The following KMT2C variants were observed in gnomAD, a reference collection of about 807,000 sequenced individuals.
KMT2C encodes lysine methyltransferase 2C, also known as histone-lysine N-methyltransferase 2C.
Under a neutral mutation model 507.9 loss-of-function variants are expected in KMT2C, and 88 were observed. That is an observed-to-expected ratio of 0.17 (90% CI 0.15 to 0.21). The LOEUF (loss-of-function observed/expected upper bound fraction) is 0.21, where lower values mean the gene tolerates loss of function less well. Among genes scored for constraint, KMT2C ranks in the 10% least tolerant of loss-of-function variants. The probability of loss-of-function intolerance (pLI) is 1.00; values close to 1 mark genes in which losing one functional copy is unlikely to be tolerated. For missense variants in KMT2C, 4,954 were observed against 5,957.8 expected, an observed-to-expected ratio of 0.83 and a Z score of 5.55; for synonymous variants, 2,049 against 2,080.8, an observed-to-expected ratio of 0.98 and a Z score of 0.42.
intron 1 of KMT2C, among the ~76,000 whole-genome samples, chr7:152,375,425 G>A (rs1004392437): frequency 1.3e-5 from 2 of 151,254 alleles, no homozygotes; most frequent in Admixed American, 6.6e-5. Flanking sequence ...TTGCTCTGTC[G>A]CCCAGGCTGG....
At chr7:152,351,180 G>T (rs758067623) in intron 2 of KMT2C, among the ~76,000 whole-genome samples, 1 of 151,912 alleles carries the variant, frequency 6.6e-6, no homozygotes, top group African/African-American at 2.4e-5. Flanking sequence ...TAAGAAAAGG[G>T]GTACACTCCA....
intron 16 of KMT2C, among the ~76,000 whole-genome samples, chr7:152,233,129 A>G (rs574748768): frequency 2.0e-5 from 3 of 152,238 alleles, no homozygotes; most frequent in Non-Finnish European, 4.4e-5. Flanking sequence ...TATTTAAATA[A>G]TAAGTGCAGA....
chr7:152,187,525 A>G, intron 32 of KMT2C, 49 bp from the exon 33 acceptor site: 1 of 1,521,430 alleles, frequency 6.6e-7, no homozygotes, highest in South Asian at 1.1e-5. Flanking sequence ...ATAACTTCTT[A>G]ATATATGTTC....
chr7:152,229,719 AAGTAT>A (rs2095050075), intron 18 of KMT2C, among the ~76,000 whole-genome samples, 199 bp downstream of exon 18: 1 of 152,190 alleles, frequency 6.6e-6, no homozygotes, highest in Non-Finnish European at 1.5e-5. Context: ...TTTTCAAGAC[AAGTAT>A]ATTGTACAAT....
chr7:152,296,454 A>G (rs2096497493), intron 6 of KMT2C, among the ~76,000 whole-genome samples: 1 of 150,700 alleles, frequency 6.6e-6, no homozygotes, highest in African/African-American at 2.4e-5. Flanking sequence ...AAAGAGAGAG[A>G]GAGAGAGAGA....
At chr7:152,368,497 C>T (rs1190587759) in intron 1 of KMT2C, 5 of 1,298,868 alleles carry the variant, frequency 3.8e-6, no homozygotes, top group African/African-American at 2.9e-5. Flanking sequence ...CCAGTGGCGC[C>T]GTGAGCTAAT....
intron 6 of KMT2C, among the ~76,000 whole-genome samples, chr7:152,290,565 C>T (rs2096411006): frequency 6.6e-6 from 1 of 151,438 alleles, no homozygotes; most frequent in Non-Finnish European, 1.5e-5. Context: ...GCTTCAGCCT[C>T]CCGAAGTGCT....
chr7:152,323,546 G>C (rs2096790642), intron 3 of KMT2C, among the ~76,000 whole-genome samples: 1 of 151,230 alleles, frequency 6.6e-6, no homozygotes, highest in Admixed American at 6.6e-5. Flanking sequence ...GGCTGTGGTG[G>C]GAGGATTGCC....
chr7:152,301,906 G>A (rs574199942), intron 6 of KMT2C, among the ~76,000 whole-genome samples: 11 of 152,274 alleles, frequency 7.2e-5, no homozygotes, highest in African/African-American at 2.4e-4. Flanking sequence ...GGTTGGAGGA[G>A]AGACTTTTAC....
At chr7:152,216,416 G>A (rs1400201795) in intron 23 of KMT2C, among the ~76,000 whole-genome samples, 1 of 152,142 alleles carries the variant, frequency 6.6e-6, no homozygotes, top group Non-Finnish European at 1.5e-5. Context: ...AATACTCCAG[G>A]AACATCACAG....
intron 1 of KMT2C, among the ~76,000 whole-genome samples, chr7:152,397,201 CTT>C (rs35853037): frequency 6.9e-5 from 10 of 144,100 alleles, no homozygotes; most frequent in Non-Finnish European, 6.1e-5. Context: ...ACTTTCCAAG[CTT>C]TTTTTTTTTT....
chr7:152,314,904 C>T (rs1330969216), intron 4 of KMT2C, among the ~76,000 whole-genome samples: 1 of 151,828 alleles, frequency 6.6e-6, no homozygotes, highest in African/African-American at 2.4e-5. Context: ...GTGATCACAC[C>T]GCTTTCATAT....
chr7:152,427,306 C>A (rs2097828455), intron 1 of KMT2C, among the ~76,000 whole-genome samples: 1 of 152,212 alleles, frequency 6.6e-6, no homozygotes, highest in Non-Finnish European at 1.5e-5. Context: ...AGCCACTGCG[C>A]CCGGCCCCCA....
At chr7:152,386,261 A>T (rs2097425391) in intron 1 of KMT2C, among the ~76,000 whole-genome samples, 1 of 152,290 alleles carries the variant, frequency 6.6e-6, no homozygotes, top group African/African-American at 2.4e-5. Context: ...GGACTTTTGT[A>T]AGAATTAAGT....
intron 1 of KMT2C, among the ~76,000 whole-genome samples, chr7:152,383,762 G>A (rs1461536429): frequency 1.3e-5 from 2 of 152,184 alleles, no homozygotes; most frequent in Non-Finnish European, 2.9e-5. Context: ...TCTGTATAAT[G>A]GGGATAACAG....
At chr7:152,430,005 C>T (rs558167988) in intron 1 of KMT2C, among the ~76,000 whole-genome samples, 6 of 151,476 alleles carry the variant, frequency 4.0e-5, no homozygotes, top group Non-Finnish European at 5.9e-5. Context: ...TGGTGAACAC[C>T]CATCTCTACT....
intron 6 of KMT2C, among the ~76,000 whole-genome samples, chr7:152,298,070 G>A (rs2096532364): frequency 6.6e-6 from 1 of 151,692 alleles, no homozygotes; most frequent in Non-Finnish European, 1.5e-5. Flanking sequence ...TAGCAAACTT[G>A]AAGATACAAG....
intron 34 of KMT2C, among the ~76,000 whole-genome samples, chr7:152,183,889 T>C (rs560061331): frequency 1.7e-4 from 25 of 147,204 alleles, no homozygotes; most frequent in South Asian, 1.3e-3. Context: ...AGAGCAAAAC[T>C]CTGTCTCAAA....
At chr7:152,228,262 A>C (rs71541745) in intron 18 of KMT2C, among the ~76,000 whole-genome samples, 7,513 of 151,912 alleles carry the variant, frequency 0.049, 310 homozygotes, top group East Asian at 0.17. Context: ...GTAATTTTAA[A>C]GAGTGTTAAG....
Sources: allele counts gnomAD v4.1 joint callset (sites outside exome capture counted in the v4.1 genomes callset), GRCh38; gene constraint gnomAD v4.1.1; transcripts MANE v1.5; gene names NCBI Gene and HGNC (gene_info 2026-07-23, HGNC 2026-07-21).